The following METTL14 variants were observed in gnomAD, a reference collection of about 807,000 sequenced individuals.
METTL14 encodes the protein N(6)-adenosine-methyltransferase non-catalytic subunit METTL14.
Under a neutral mutation model 62.4 loss-of-function variants are expected in METTL14, and 32 were observed. That is an observed-to-expected ratio of 0.51 (90% confidence interval 0.39 to 0.69). METTL14 has a LOEUF of 0.69. METTL14 is among the 30% of genes least tolerant of loss of function. The pLI is 0.00. For synonymous variants in METTL14, 150 were observed against 180.0 expected (o/e 0.83, Z 1.34); for missense variants, 340 against 551.9 (o/e 0.62, Z 3.85).
intron 5 of METTL14, among the ~76,000 whole-genome samples, chr4:118,692,998 C>A (rs961813728): frequency 2.0e-5 from 3 of 152,100 alleles, no homozygotes; most frequent in Non-Finnish European, 4.4e-5. Flanking sequence ...AAGCATGTGC[C>A]TGTACTTCAT....
chr4:118,710,264 C>A lies in METTL14; in HGVS notation c.1333C>A (p.Arg445Ser). The A allele has an allele frequency of 6.2e-7, 1 of 1,613,916 alleles. No individual in the cohort carries two copies. The highest frequency in any genetic ancestry group is 2.2e-5 in the East Asian group (1 of 44,870). ...RGERGGFRGGRGGAHRGGFPP... is the reference protein window; with the variant it reads ...RGERGGFRGGSGGAHRGGFPP... ...AGAAAGAGGTGGCTTTAGAGGGGGC[C>A]GTGGAGGAGCACACAGAGGTGGCTT... Residue 445 changes from arginine (R) to serine (S), a missense_variant, in exon 11 of 11, where the codon CGT becomes AGT. By Grantham distance (110) the Arg-to-Ser change is moderately radical. This residue lies in a region of METTL14 where 44 missense variants were observed against 56.4 expected (regional missense o/e 0.78). Transcript: ENST00000388822.
rs1221926901 is a variant in METTL14, at chr4:118,714,011, T to G, written c.*3709T>G. 6.6e-6 allele frequency: 1 copy of G among 152,226 alleles called. No individual in the cohort carries two copies. The highest frequency in any genetic ancestry group is 2.4e-5 in the African/African-American group (1 of 41,454). The allele number at this position is 152,226 out of a possible 1,614,324, so 9.4% of individuals were successfully genotyped here. A position where few individuals can be genotyped will look rare whatever the true frequency, so the allele number is the denominator to read the frequency against. On this transcript the variant is annotated 3_prime_UTR_variant, in exon 11 of 11. Coordinates refer to ENST00000388822, the MANE Select transcript of METTL14 (RefSeq NM_020961.4). ...GTTTGAGTGTATGTTAGAGTTCATG[T>G]TTCTGTAACTAAAGGTGCTAATAAA...
At chr4:118,695,711 A>G (rs1724388623) in intron 6 of METTL14, among the ~76,000 whole-genome samples, 1 of 152,206 alleles carries the variant, frequency 6.6e-6, no homozygotes, top group Non-Finnish European at 1.5e-5. Flanking sequence ...ATGATAATTC[A>G]TTTCAACCGT....
intron 6 of METTL14, among the ~76,000 whole-genome samples, chr4:118,696,846 G>A (rs1003786516): frequency 1.3e-5 from 2 of 152,024 alleles, no homozygotes; most frequent in African/African-American, 4.8e-5. Flanking sequence ...AAGGGAAAGG[G>A]GTTCAGAGAC....
intron 8 of METTL14, among the ~76,000 whole-genome samples, chr4:118,701,209 G>T (rs1186205140): frequency 7.5e-6 from 1 of 133,994 alleles, no homozygotes; most frequent in Non-Finnish European, 1.6e-5. Flanking sequence ...TTGAGACAAG[G>T]TACCAACTCT....
rs1724985437 is a variant in METTL14, at chr4:118,713,686, T to C, written c.*3384T>C. On this transcript the variant is annotated 3_prime_UTR_variant, in exon 11 of 11. Coordinates refer to ENST00000388822, the MANE Select transcript of METTL14 (RefSeq NM_020961.4). ...GGTTCATGTGTGACTAGCATTATCC[T>C]CTCTTTGATGTTGGGTAATAGAGGC... 6.6e-6 allele frequency: 1 copy of C among 152,204 alleles called. No homozygotes were observed. The highest frequency in any genetic ancestry group is 2.1e-4 in the South Asian group (1 of 4,838). 9.4% of individuals were successfully genotyped at this position (152,204 alleles called of 1,614,324 possible). A position where few individuals can be genotyped will look rare whatever the true frequency, so the allele number is the denominator to read the frequency against.
At chr4:118,709,173 G>A (rs1277026848) in intron 10 of METTL14, among the ~76,000 whole-genome samples, 6 of 152,172 alleles carry the variant, frequency 3.9e-5, no homozygotes, top group South Asian at 2.1e-4. Context: ...CACAAAAATC[G>A]GGGTTAGTAT....
intron 8 of METTL14, among the ~76,000 whole-genome samples, chr4:118,702,946 T>TATC (rs1333863635): frequency 7.1e-6 from 1 of 141,324 alleles, no homozygotes; most frequent in East Asian, 2.0e-4. Flanking sequence ...GTTTTATTAT[T>TATC]ATTATTATTA....
intron 10 of METTL14, among the ~76,000 whole-genome samples, chr4:118,706,681 C>G (rs1724764403): frequency 6.6e-6 from 1 of 152,178 alleles, no homozygotes; most frequent in Non-Finnish European, 1.5e-5. Context: ...AGTGCCTGTA[C>G]CATTTTACAT....
Position 118,715,417 on chromosome 4 carries a change from G to C in METTL14, c.*5115G>C, listed in dbSNP as rs1725019473. 6.6e-6 allele frequency: 1 copy of C among 152,136 alleles called. No individual in the cohort carries two copies. Among genetic ancestry groups the C allele is most frequent in the South Asian group, 2.1e-4 (1 of 4,832 alleles). 9.4% of individuals were successfully genotyped at this position (152,136 alleles called of 1,614,324 possible). ...GTGGTGGGTACCTTAATAATAAAAAGATTTTTAATGTAATAATATTGCTCA... is the reference window on the plus strand; with the variant it reads ...GTGGTGGGTACCTTAATAATAAAAACATTTTTAATGTAATAATATTGCTCA... On this transcript the variant is annotated 3_prime_UTR_variant, in exon 11 of 11. Coordinates refer to ENST00000388822, the MANE Select transcript of METTL14 (RefSeq NM_020961.4).
chr4:118,692,794 T>C (rs1319282084), intron 5 of METTL14, among the ~76,000 whole-genome samples: 1 of 152,144 alleles, frequency 6.6e-6, no homozygotes, highest in Admixed American at 6.6e-5. Context: ...AAGGAAGCCC[T>C]GTACCCATTA....
chr4:118,693,227 C>T (rs1724307529), intron 5 of METTL14, among the ~76,000 whole-genome samples: 1 of 152,092 alleles, frequency 6.6e-6, no homozygotes, highest in Non-Finnish European at 1.5e-5. Context: ...TTTGCATTTG[C>T]CTAGTGACTA....
At position 118,705,598 on chromosome 4, in the gene METTL14, T is replaced by C. The variant is rs1297712758; in HGVS notation, c.856-13T>C. The C allele has an allele frequency of 6.2e-7, 1 of 1,609,288 alleles. No individual in the cohort carries two copies. The highest frequency in any genetic ancestry group is 1.7e-4 in the Middle Eastern group (1 of 6,056). On this transcript the variant is annotated splice_polypyrimidine_tract_variant and intron_variant, in intron 9 of 10. Coordinates refer to ENST00000388822, the MANE Select transcript of METTL14 (RefSeq NM_020961.4). The stretch of plus-strand genomic sequence containing the variant: ...GATGAAAACAGATTAATTGGTCTGC[T>C]CTTGTTATTTAGGAACACTGCCTCA...
Position 118,692,001 on chromosome 4 carries a change from C to G in METTL14, c.345C>G (p.Pro115=), listed in dbSNP as rs751111378. ...TFLKGTQSLN[P]HNDYCQHFVD... ...TTTAGGGAACACAGAGCTTAAATCC[C>G]CATAATGATTACTGCCAACATTTTG... The change falls in exon 5 of 11, where the codon CCC becomes CCG. Residue 115 remains proline, a synonymous_variant. Transcript: ENST00000388822. 37 of 1,610,532 alleles carry G rather than the reference C, an allele frequency of 2.3e-5. No individual in the cohort carries two copies. Among genetic ancestry groups the G allele is most frequent in the Non-Finnish European group, 3.0e-5 (35 of 1,177,980 alleles).
In METTL14 at chr4:118,710,003, C is replaced by G. The variant is rs959212873; in HGVS notation, c.1072C>G (p.Leu358Val). 7 of 1,593,586 alleles carry G rather than the reference C, an allele frequency of 4.4e-6. No homozygotes were observed. The South Asian group carries it at 4.6e-5, about 10-fold the overall frequency. Residue 358 changes from leucine to valine, a missense_variant, in exon 11 of 11, where the codon CTC becomes GTC. This residue lies in a region of METTL14 where 62 missense variants were observed against 82.3 expected (regional missense o/e 0.75). Coordinates refer to ENST00000388822, the MANE Select transcript of METTL14 (RefSeq NM_020961.4). ...CTTTTTTTCCTCCATTTCAGGCTGG[C>G]TCACAGTTGGACCAACGCTTACAAA... ...GRDSTIRPGW[L>V]TVGPTLTNSN...
chr4:118,703,906 A>T (rs1435815119), intron 8 of METTL14, 29 bp from the exon 9 acceptor site: 1 of 1,274,656 alleles, frequency 7.8e-7, no homozygotes, highest in Non-Finnish European at 1.1e-6. Flanking sequence ...TAAGTTAAGG[A>T]TTTGTGTTTA....
In METTL14 at chr4:118,714,624, T is replaced by TCTCTGATAAGA. The variant is rs1725005014; in HGVS notation, c.*4322_*4323insCTCTGATAAGA. 6.6e-6 allele frequency: 1 copy of TCTCTGATAAGA among 152,274 alleles called. No individual in the cohort carries two copies. Among genetic ancestry groups the TCTCTGATAAGA allele is most frequent in the South Asian group, 2.1e-4 (1 of 4,836 alleles). The allele number at this position is 152,274 out of a possible 1,614,324, so 9.4% of individuals were successfully genotyped here. ...TTTATTTTTTGAGACAGAGTCTCTG[T>TCTCTGATAAGA]TACCCAGGCTGGGGGGCAGTGATAA... is the stretch of plus-strand genomic sequence containing the variant. On this transcript the variant is annotated 3_prime_UTR_variant, in exon 11 of 11. Transcript: ENST00000388822.
rs995711337 is a variant in METTL14, at chr4:118,685,413, A to C, written c.-122A>C. 1.4e-5 allele frequency: 14 copies of C among 984,292 alleles called. No individual in the cohort carries two copies. In the African/African-American group the frequency reaches 1.9e-4, roughly 14 times the overall value. 61.0% of individuals were successfully genotyped at this position (984,292 alleles called of 1,614,324 possible). On this transcript the variant is annotated 5_prime_UTR_variant, in exon 1 of 11. An upstream start codon of the reference 5' UTR is lost. Transcript: ENST00000388822. ...CCGGAAGTCTCTACTGAGGAAAGCT[A>C]TGAGGATACTCTGTTCGTAAGCTCC...
Position 118,710,459 on chromosome 4 carries a change from G to A in METTL14, c.*157G>A, listed in dbSNP as rs1483587429. On this transcript the variant is annotated 3_prime_UTR_variant, in exon 11 of 11. Transcript: ENST00000388822. ...GTCTTAGCGAGCCTTGCTTGCAGTT[G>A]TCACACACACTGTCTGGTTTTTTTC... 1.4e-6 allele frequency: 1 copy of A among 696,418 alleles called. No individual in the cohort carries two copies. The highest frequency in any genetic ancestry group is 2.3e-6 in the Non-Finnish European group (1 of 426,492). The allele number at this position is 696,418 out of a possible 1,614,324, so 43.1% of individuals were successfully genotyped here.
Sources: allele counts gnomAD v4.1 joint callset (sites outside exome capture counted in the v4.1 genomes callset), GRCh38; gene constraint gnomAD v4.1.1; regional missense constraint gnomAD v4.1.1; transcripts MANE v1.5; gene names NCBI Gene and HGNC (gene_info 2026-07-23, HGNC 2026-07-21).